Variants in KCNMB3 observed in about 807,000 individuals in gnomAD.
The protein encoded by KCNMB3 is potassium calcium-activated channel subfamily M regulatory beta subunit 3, also known as calcium-activated potassium channel subunit beta-3.
Under a neutral mutation model 11.9 loss-of-function variants are expected in KCNMB3, and 18 were observed. The observed-to-expected ratio is 1.51, with a 90% CI of 1.04 to 2.23. KCNMB3 has a LOEUF of 2.23. Ranked by LOEUF, KCNMB3 falls within the 30% of genes most tolerant of loss-of-function variation. KCNMB3 has a pLI of 0.00. For missense variants in KCNMB3, 247 were observed against 329.4 expected (o/e 0.75, Z 1.94); for synonymous variants, 78 against 119.2 (o/e 0.65, Z 2.25).
intron 1 of KCNMB3, chr3:179,260,461 CTG>C (rs1726169922): frequency 1.9e-6 from 3 of 1,613,468 alleles, no homozygotes; most frequent in Admixed American, 3.3e-5. Context: ...ACTGTGTCCT[CTG>C]TGTGTTGTTC....
chr3:179,249,597 C>T (rs895874087), intron 1 of KCNMB3, among the ~76,000 whole-genome samples: 4 of 151,998 alleles, frequency 2.6e-5, no homozygotes, highest in Non-Finnish European at 5.9e-5. Context: ...TGCTTGAATT[C>T]GGGAGGCAGA....
upstream of KCNMB3, among the ~76,000 whole-genome samples, chr3:179,255,240 T>G (rs115787967): frequency 5.8e-4 from 88 of 151,424 alleles, no homozygotes; most frequent in Middle Eastern, 3.4e-3. Context: ...TCAAGGCGTT[T>G]GAGTGCAAAA....
At chr3:179,262,374 G>C (rs1386954853) in intron 1 of KCNMB3, among the ~76,000 whole-genome samples, 3 of 152,104 alleles carry the variant, frequency 2.0e-5, no homozygotes, top group Non-Finnish European at 2.9e-5. Context: ...CTCTTAAGGC[G>C]GCGCCTCTGG....
intron 1 of KCNMB3, among the ~76,000 whole-genome samples, chr3:179,265,796 G>T (rs7631737): frequency 0.37 from 55,918 of 151,984 alleles, 11,458 homozygotes; most frequent in African/African-American, 0.55. Context: ...ACACCCTCAG[G>T]CATCACTCTT....
chr3:179,248,946 A>AT (rs1398167956), intron 1 of KCNMB3, among the ~76,000 whole-genome samples: 1 of 151,554 alleles, frequency 6.6e-6, no homozygotes, highest in African/African-American at 2.4e-5. Context: ...CAGGAGTTCA[A>AT]GACTGCAATG....
upstream of KCNMB3, among the ~76,000 whole-genome samples, chr3:179,252,948 T>A (rs948051360): frequency 3.9e-5 from 6 of 152,060 alleles, no homozygotes; most frequent in African/African-American, 1.4e-4. Context: ...GCCAGAATGG[T>A]CTCCATCTCC....
chr3:179,251,528 C>G (rs145680151), upstream of KCNMB3: 4 of 1,356,162 alleles, frequency 2.9e-6, no homozygotes, highest in Non-Finnish European at 3.8e-6. Context: ...CATGGTTCTG[C>G]ATAAGTGTCC....
chr3:179,258,165 C>T (rs1726083920), intron 1 of KCNMB3, among the ~76,000 whole-genome samples: 1 of 152,146 alleles, frequency 6.6e-6, no homozygotes, highest in South Asian at 2.1e-4. Context: ...AGATTACAGG[C>T]GTGAGCCACC....
intron 1 of KCNMB3, among the ~76,000 whole-genome samples, chr3:179,248,385 C>A (rs577076441): frequency 1.3e-5 from 2 of 152,194 alleles, no homozygotes; most frequent in East Asian, 3.8e-4. Flanking sequence ...CAACACCACA[C>A]CCCCAAACCT....
downstream of KCNMB3, chr3:179,240,073 T>A (rs1333650046): frequency 3.3e-6 from 4 of 1,217,622 alleles, no homozygotes; most frequent in Non-Finnish European, 3.3e-6. Flanking sequence ...CGCTGTTTAT[T>A]AAAAAAAAAA....
chr3:179,255,889 T>A (rs1263715648), upstream of KCNMB3, among the ~76,000 whole-genome samples: 1 of 152,148 alleles, frequency 6.6e-6, no homozygotes, highest in Non-Finnish European at 1.5e-5. Flanking sequence ...CTAGAAGCCA[T>A]AAGGCAAGAA....
upstream of KCNMB3, chr3:179,251,568 GC>G (rs146132490): frequency 0.081 from 105,729 of 1,304,950 alleles, 4,656 homozygotes; most frequent in African/African-American, 0.13. Context: ...TCTCCACTGT[GC>G]CTGCAAACCT....
chr3:179,259,509 T>C, intron 1 of KCNMB3: 2 of 1,612,046 alleles, frequency 1.2e-6, no homozygotes, highest in Non-Finnish European at 1.7e-6. Context: ...TTTAGGATTC[T>C]CTGGACAATC....
At chr3:179,258,148 C>G (rs377517322) in intron 1 of KCNMB3, among the ~76,000 whole-genome samples, 1 of 152,034 alleles carries the variant, frequency 6.6e-6, no homozygotes, top group Non-Finnish European at 1.5e-5. Flanking sequence ...GGCCTCCCAA[C>G]GTGCTGAGAT....
At chr3:179,263,324 G>A (rs948400136) in intron 1 of KCNMB3, among the ~76,000 whole-genome samples, 2 of 151,922 alleles carry the variant, frequency 1.3e-5, no homozygotes, top group Non-Finnish European at 2.9e-5. Context: ...CTGAGTCCAC[G>A]CCCACCTGGA....
At chr3:179,259,881 G>A (rs749966398) in intron 1 of KCNMB3, 2 of 1,613,450 alleles carry the variant, frequency 1.2e-6, no homozygotes, top group Non-Finnish European at 1.7e-6. Flanking sequence ...TCCTGCTGGA[G>A]AACCAGGAAC....
chr3:179,264,049 A>G, intron 1 of KCNMB3, among the ~76,000 whole-genome samples: 1 of 151,118 alleles, frequency 6.6e-6, no homozygotes, highest in Non-Finnish European at 1.5e-5. Flanking sequence ...CAGGTGATCC[A>G]CCTGCCTCGG....
chr3:179,259,897 T>C (rs1048413776), intron 1 of KCNMB3: 4 of 1,613,624 alleles, frequency 2.5e-6, no homozygotes, highest in East Asian at 2.2e-5. Context: ...GGAACTTCTG[T>C]CTTGATTGGT....
intron 1 of KCNMB3, among the ~76,000 whole-genome samples, chr3:179,264,036 C>T (rs1215169469): frequency 6.6e-6 from 1 of 151,894 alleles, no homozygotes; most frequent in African/African-American, 2.4e-5. Flanking sequence ...GAAATCTTGA[C>T]CTCAGGTGAT....
Sources: gnomAD v4.1 joint callset for allele counts (sites outside exome capture counted in the v4.1 genomes callset) on GRCh38, gnomAD v4.1.1 for gene constraint, MANE v1.5 for transcripts, NCBI Gene and HGNC (gene_info 2026-07-23, HGNC 2026-07-21) for gene names.